AVEN: variants seen among roughly 807,000 people sequenced by gnomAD.
AVEN encodes the protein cell death regulator Aven.
AVEN carries 41 observed loss-of-function variants against 38.1 expected under a neutral mutation model. The observed-to-expected ratio is 1.08, with a 90% CI of 0.84 to 1.40. AVEN has a LOEUF of 1.40. Ranked by LOEUF, AVEN falls within the 40% of genes most tolerant of loss-of-function variation. The pLI is 0.00. For missense variants in AVEN, 605 were observed against 438.8 expected (o/e 1.38, Z -3.38); for synonymous variants, 206 against 171.8 (o/e 1.20, Z -1.56).
At chr15:34,027,703 A>C (rs1449262960) in intron 1 of AVEN, among the ~76,000 whole-genome samples, 7 of 151,952 alleles carry the variant, frequency 4.6e-5, no homozygotes, top group Non-Finnish European at 4.4e-5. Context: ...TCAGGCCTTG[A>C]CGTTATCCAC....
chr15:34,065,305 C>G lies in AVEN; in HGVS notation n.1126+667G>C, dbSNP rs187396236. The G allele has an allele frequency of 7.9e-5, 12 of 152,308 alleles. No individual in the cohort carries two copies. The East Asian group carries it at 2.1e-3, about 27-fold the overall frequency. 9.4% of individuals were successfully genotyped at this position (152,308 alleles called of 1,614,324 possible). ...GAGATCTTGCTTTCTAATCTCTTCA[C>G]AGGGCAAACCTGAGCAAAATGTGGA... On this transcript the variant is annotated intron_variant and non_coding_transcript_variant, in intron 4 of 11. Transcript: ENST00000675287.
At chr15:33,956,599 C>T (rs1474883020) in intron 2 of AVEN, among the ~76,000 whole-genome samples, 3 of 152,182 alleles carry the variant, frequency 2.0e-5, no homozygotes, top group Non-Finnish European at 2.9e-5. Context: ...CCCCTGCCCA[C>T]ACACACATAA....
At chr15:34,015,755 C>T (rs1224996880) in intron 1 of AVEN, among the ~76,000 whole-genome samples, 2 of 151,874 alleles carry the variant, frequency 1.3e-5, no homozygotes, top group Non-Finnish European at 2.9e-5. Context: ...ACGTCTCACA[C>T]GGATCTTCAC....
chr15:33,881,582 A>G (rs1203041571), intron 2 of AVEN, among the ~76,000 whole-genome samples: 1 of 152,206 alleles, frequency 6.6e-6, no homozygotes, highest in Admixed American at 6.5e-5. Context: ...TTGAAGATGA[A>G]AGTGTACAAA....
rs541846772 is a variant in AVEN, at chr15:34,064,028, G to A, written n.1127-596C>T. ...GAAAGAGAGTGGTCCTAGTCAAAGA[G>A]AGGAAAGCAGCCCAGACACTGAGTG... On this transcript the variant is annotated intron_variant and non_coding_transcript_variant, in intron 4 of 11. Transcript: ENST00000675287. The A allele has an allele frequency of 3.1e-6, 5 of 1,614,202 alleles. No individual in the cohort carries two copies. The South Asian group carries it at 4.4e-5, about 14-fold the overall frequency.
intron 4 of AVEN, among the ~76,000 whole-genome samples, chr15:33,870,350 C>A (rs1466309509): frequency 6.6e-6 from 1 of 152,104 alleles, no homozygotes; most frequent in Non-Finnish European, 1.5e-5. Context: ...ACTTGGCAGC[C>A]CCATCGTTTT....
At chr15:33,859,796 C>G in intron 11 of AVEN, 1 of 1,482,316 alleles carries the variant, frequency 6.7e-7, no homozygotes, top group Non-Finnish European at 9.1e-7. Flanking sequence ...TTTCTTCCAT[C>G]TATGACTTAA....
intron 2 of AVEN, among the ~76,000 whole-genome samples, chr15:33,945,333 C>T (rs539827874): frequency 2.7e-4 from 41 of 152,246 alleles, no homozygotes; most frequent in Non-Finnish European, 5.0e-4. Flanking sequence ...TTTTCTCCAC[C>T]GTAAGTGTCT....
chr15:33,987,655 C>A (rs1896535898), intron 2 of AVEN, among the ~76,000 whole-genome samples: 1 of 152,228 alleles, frequency 6.6e-6, no homozygotes. Flanking sequence ...GCTGCTTGGT[C>A]CACCTGCATC....
chr15:33,997,617 T>A (rs1007969168), intron 2 of AVEN, among the ~76,000 whole-genome samples: 10 of 152,144 alleles, frequency 6.6e-5, no homozygotes, highest in African/African-American at 9.7e-5. Flanking sequence ...CTCAAGAAGG[T>A]CAATAATCCT....
intron 4 of AVEN, among the ~76,000 whole-genome samples, chr15:33,870,334 T>C (rs1157251673): frequency 1.3e-5 from 2 of 152,146 alleles, no homozygotes; most frequent in African/African-American, 2.4e-5. Context: ...TCCCACAGTC[T>C]TCTCTACTTG....
At chr15:34,026,219 C>T (rs1898465801) in intron 1 of AVEN, among the ~76,000 whole-genome samples, 2 of 151,840 alleles carry the variant, frequency 1.3e-5, no homozygotes, top group East Asian at 1.9e-4. Flanking sequence ...TGACATCTTC[C>T]CAGTTTTATG....
intron 2 of AVEN, among the ~76,000 whole-genome samples, chr15:33,930,914 C>T (rs1893816005): frequency 1.3e-5 from 2 of 148,730 alleles, no homozygotes; most frequent in African/African-American, 5.0e-5. Flanking sequence ...AAGATCACAC[C>T]ACTGTACTTC....
chr15:33,947,107 G>A (rs1481404503), intron 2 of AVEN, among the ~76,000 whole-genome samples: 1 of 152,136 alleles, frequency 6.6e-6, no homozygotes, highest in Non-Finnish European at 1.5e-5. Flanking sequence ...AGGTGGAGGG[G>A]GCTCCACTGG....
At chr15:33,907,852 G>C (rs1299082064) in intron 2 of AVEN, among the ~76,000 whole-genome samples, 1 of 148,160 alleles carries the variant, frequency 6.7e-6, no homozygotes, top group Admixed American at 6.7e-5. Flanking sequence ...AGTGCTAGAA[G>C]AAAAAAATGG....
At chr15:33,998,694 ATTC>A (rs1454986110) in intron 2 of AVEN, among the ~76,000 whole-genome samples, 1 of 152,166 alleles carries the variant, frequency 6.6e-6, no homozygotes, top group Non-Finnish European at 1.5e-5. Flanking sequence ...TTAACAGTCA[ATTC>A]TTCATTGTCA....
At chr15:33,889,050 G>A (rs927070890) in intron 2 of AVEN, among the ~76,000 whole-genome samples, 2 of 152,058 alleles carry the variant, frequency 1.3e-5, no homozygotes, top group Non-Finnish European at 2.9e-5. Flanking sequence ...TATAACTCAG[G>A]TGAGATGTAC....
At chr15:33,908,012 T>G (rs1351021393) in intron 2 of AVEN, among the ~76,000 whole-genome samples, 1 of 152,206 alleles carries the variant, frequency 6.6e-6, no homozygotes, top group Non-Finnish European at 1.5e-5. Flanking sequence ...GGAGAAATAC[T>G]TGCAACACAT....
At chr15:33,901,371 C>T (rs1892493434) in intron 2 of AVEN, among the ~76,000 whole-genome samples, 1 of 152,210 alleles carries the variant, frequency 6.6e-6, no homozygotes, top group Middle Eastern at 3.2e-3. Flanking sequence ...AATACCGACA[C>T]GTGCATACAC....
Sources: allele counts gnomAD v4.1 joint callset (sites outside exome capture counted in the v4.1 genomes callset), GRCh38; gene constraint gnomAD v4.1.1; transcripts MANE v1.5; gene names NCBI Gene and HGNC (gene_info 2026-07-23, HGNC 2026-07-21).